Variants in B4GALT6 observed in about 807,000 individuals in gnomAD.
The protein encoded by B4GALT6 is UDP-Gal:beta-GlcNAc beta-1,4-galactosyltransferase 6.
A neutral mutation model predicts 46.3 loss-of-function variants in B4GALT6; 14 were observed. The observed-to-expected ratio is 0.30, with a 90% CI of 0.20 to 0.47. The LOEUF is 0.47. Among genes scored for constraint, B4GALT6 ranks in the 20% least tolerant of loss-of-function variants. The pLI is 0.99. For synonymous variants in B4GALT6, 168 were observed against 162.0 expected (o/e 1.04, Z -0.28); for missense variants, 386 against 480.1 (o/e 0.80, Z 1.83).
At chr18:31,677,490 A>G (rs2074427560) in intron 1 of B4GALT6, among the ~76,000 whole-genome samples, 1 of 152,220 alleles carries the variant, frequency 6.6e-6, no homozygotes, top group Admixed American at 6.5e-5. Context: ...CCAAGATATG[A>G]GGTAAAAATA....
intron 5 of B4GALT6, among the ~76,000 whole-genome samples, chr18:31,633,299 G>A (rs2073814216): frequency 6.6e-6 from 1 of 152,048 alleles, no homozygotes; most frequent in Non-Finnish European, 1.5e-5. Flanking sequence ...ACACACCAGC[G>A]ATAAAGTTGC....
At chr18:31,687,165 T>C (rs1598943824), upstream of B4GALT6, among the ~76,000 whole-genome samples, 1 of 152,222 alleles carries the variant, frequency 6.6e-6, no homozygotes, top group Non-Finnish European at 1.5e-5. Flanking sequence ...AGTAGACTTT[T>C]ATCTGTTGTA....
intron 1 of B4GALT6, among the ~76,000 whole-genome samples, chr18:31,669,373 G>C (rs1024454993): frequency 1.3e-5 from 2 of 152,144 alleles, no homozygotes; most frequent in African/African-American, 4.8e-5. Flanking sequence ...TTTGCTGCCA[G>C]AGCAAGCACT....
chr18:31,722,542 G>A, the B4GALT6 span, among the ~76,000 whole-genome samples: 2 of 152,316 alleles, frequency 1.3e-5, no homozygotes, highest in Admixed American at 6.5e-5. Context: ...TCTCAGGTTT[G>A]TGATTGTTCT....
upstream of B4GALT6, chr18:31,686,097 T>C (rs1354863385): frequency 6.6e-6 from 1 of 152,284 alleles, no homozygotes; most frequent in African/African-American, 2.4e-5. Context: ...TTCTTCCTGC[T>C]AGCTGACTGT....
chr18:31,715,498 G>C, the B4GALT6 span, among the ~76,000 whole-genome samples: 429 of 147,890 alleles, frequency 2.9e-3, 2 homozygotes, highest in African/African-American at 0.01. Context: ...CAGAGTGCTG[G>C]ATTACAGGCA....
intron 1 of B4GALT6, among the ~76,000 whole-genome samples, chr18:31,679,426 T>C (rs760526257): frequency 6.6e-6 from 1 of 152,188 alleles, no homozygotes; most frequent in Non-Finnish European, 1.5e-5. Flanking sequence ...TCTCATCTCT[T>C]GAGTGTGGAA....
intron 5 of B4GALT6, among the ~76,000 whole-genome samples, chr18:31,633,393 A>G (rs1026586059): frequency 1.3e-4 from 20 of 151,842 alleles, no homozygotes; most frequent in African/African-American, 4.6e-4. Context: ...CATTAATATA[A>G]AACTACCACC....
intron 5 of B4GALT6, among the ~76,000 whole-genome samples, chr18:31,634,047 C>G (rs1473211527): frequency 6.6e-6 from 1 of 152,034 alleles, no homozygotes; most frequent in Non-Finnish European, 1.5e-5. Context: ...GACTCTTTTT[C>G]CTGGAGATAA....
chr18:31,712,155 G>A, the B4GALT6 span, among the ~76,000 whole-genome samples: 71,582 of 152,058 alleles, frequency 0.47, 19,393 homozygotes, highest in South Asian at 0.66. Flanking sequence ...TTAAAAGTCT[G>A]ACAAATTCTG....
intron 4 of B4GALT6, among the ~76,000 whole-genome samples, chr18:31,640,934 G>A (rs538578467): frequency 6.6e-6 from 1 of 152,352 alleles, no homozygotes; most frequent in South Asian, 2.1e-4. Context: ...AGGTTAGATG[G>A]TGAGTACATA....
intron 3 of B4GALT6, among the ~76,000 whole-genome samples, chr18:31,649,575 C>CAA (rs66578099): frequency 2.9e-5 from 3 of 102,424 alleles, no homozygotes; most frequent in Admixed American, 1.0e-4. Flanking sequence ...AAAAAATGAG[C>CAA]AAAAAAAAAA....
At position 31,666,236 on chromosome 18, in the gene B4GALT6, T is replaced by TA. The variant is rs775551457; in HGVS notation, c.232+19dup. 4 of 1,416,726 alleles carry TA rather than the reference T, an allele frequency of 2.8e-6. No homozygotes were observed. The highest frequency in any genetic ancestry group is 1.4e-5 in the African/African-American group (1 of 70,184). The allele number at this position is 1,416,726 out of a possible 1,614,324, so 87.8% of individuals were successfully genotyped here. A position where few individuals can be genotyped will look rare whatever the true frequency, so the allele number is the denominator to read the frequency against. Reference sequence around the variant, plus strand: ...TTACTGCTTTGTAACTACAAGGGGTTAAGCAGGAAGTAGTCTTACCTGTAC... The same window carrying TA: ...TTACTGCTTTGTAACTACAAGGGGTTAAAGCAGGAAGTAGTCTTACCTGTAC... On this transcript the variant is annotated intron_variant, in intron 2 of 8. Transcript: ENST00000306851.
intron 1 of B4GALT6, among the ~76,000 whole-genome samples, chr18:31,680,098 C>T (rs1162864175): frequency 1.3e-5 from 2 of 152,046 alleles, no homozygotes; most frequent in Non-Finnish European, 2.9e-5. Flanking sequence ...AAAGAGATGC[C>T]CAATACCATG....
chr18:31,650,448 G>A (rs1667287), intron 3 of B4GALT6, among the ~76,000 whole-genome samples: 84,939 of 152,052 alleles, frequency 0.56, 24,974 homozygotes, highest in African/African-American at 0.76. Flanking sequence ...AAATGCACCC[G>A]AAGTGGTGGC....
At chr18:31,643,111 G>A (rs1000714781) in intron 4 of B4GALT6, among the ~76,000 whole-genome samples, 1 of 152,066 alleles carries the variant, frequency 6.6e-6, no homozygotes, top group Admixed American at 6.6e-5. Context: ...GGACGGGTAG[G>A]GGGAGAAACC....
At chr18:31,678,324 CT>C (rs961479624) in intron 1 of B4GALT6, among the ~76,000 whole-genome samples, 1 of 151,526 alleles carries the variant, frequency 6.6e-6, no homozygotes, top group Admixed American at 6.6e-5. Context: ...GAAGACTGGT[CT>C]TTTTTTTTCC....
At chr18:31,662,137 A>T (rs2074224756) in intron 2 of B4GALT6, among the ~76,000 whole-genome samples, 2 of 152,344 alleles carry the variant, frequency 1.3e-5, no homozygotes, top group Non-Finnish European at 1.5e-5. Flanking sequence ...ACAAGAGTAA[A>T]CATTCCATCA....
the B4GALT6 span, among the ~76,000 whole-genome samples, chr18:31,717,752 C>T: frequency 4.0e-5 from 6 of 151,858 alleles, no homozygotes; most frequent in African/African-American, 9.7e-5. Context: ...TTCAGGAGTT[C>T]GAGACCAGCC....
Sources: gnomAD v4.1 joint callset for allele counts (sites outside exome capture counted in the v4.1 genomes callset) on GRCh38, gnomAD v4.1.1 for gene constraint, MANE v1.5 for transcripts, NCBI Gene and HGNC (gene_info 2026-07-23, HGNC 2026-07-21) for gene names.